Variants in PPFIA2 observed in about 807,000 individuals in gnomAD.
PPFIA2 encodes PPFI scaffold protein A2.
A neutral mutation model predicts 175.5 loss-of-function variants in PPFIA2; 46 were observed. The ratio of observed to expected loss-of-function variants is 0.26; its 90% CI spans 0.21 to 0.34. PPFIA2 has a LOEUF of 0.34. PPFIA2 is among the 10% of genes least tolerant of loss of function. The pLI is 1.00. For missense variants in PPFIA2, 1,179 were observed against 1,506.1 expected, an observed-to-expected ratio of 0.78 and a Z score of 3.60; for synonymous variants, 568 against 511.4, an observed-to-expected ratio of 1.11 and a Z score of -1.49.
intron 3 of PPFIA2, among the ~76,000 whole-genome samples, chr12:81,708,317 T>G (rs1567951950): frequency 6.6e-6 from 1 of 152,062 alleles, no homozygotes; most frequent in African/African-American, 2.4e-5. Flanking sequence ...TAAAACCAAA[T>G]TGAAAATGGC....
chr12:81,474,405 C>A (rs982650001), intron 4 of PPFIA2, among the ~76,000 whole-genome samples: 2 of 152,018 alleles, frequency 1.3e-5, no homozygotes, highest in Non-Finnish European at 2.9e-5. Context: ...GATCCACTGG[C>A]CTCAGCCTCC....
chr12:81,636,999 C>T (rs1231569594), intron 4 of PPFIA2, among the ~76,000 whole-genome samples: 1 of 151,982 alleles, frequency 6.6e-6, no homozygotes, highest in Non-Finnish European at 1.5e-5. Flanking sequence ...GGAATTTTCT[C>T]CCTCTAACCA....
intron 5 of PPFIA2, among the ~76,000 whole-genome samples, chr12:81,448,850 T>A (rs1372589272): frequency 6.6e-6 from 1 of 152,204 alleles, no homozygotes; most frequent in Non-Finnish European, 1.5e-5. Context: ...CAACATTGGA[T>A]ATCTCCTTCC....
At chr12:81,583,319 A>C (rs1287926028) in intron 4 of PPFIA2, among the ~76,000 whole-genome samples, 1 of 151,882 alleles carries the variant, frequency 6.6e-6, no homozygotes, top group Non-Finnish European at 1.5e-5. Flanking sequence ...CTTTCTATCA[A>C]GTTTTATTAC....
At chr12:81,406,272 CTG>C (rs772715523) in intron 7 of PPFIA2, among the ~76,000 whole-genome samples, 3 of 151,516 alleles carry the variant, frequency 2.0e-5, no homozygotes, top group Non-Finnish European at 4.4e-5. Context: ...TTTTTTTGGT[CTG>C]TATTTTTAAA....
At chr12:81,391,700 G>C (rs1191048788) in intron 8 of PPFIA2, among the ~76,000 whole-genome samples, 1 of 151,904 alleles carries the variant, frequency 6.6e-6, no homozygotes, top group Admixed American at 6.6e-5. Context: ...AAAAACTTGA[G>C]TGTAATGATG....
chr12:81,405,370 C>G (rs2042747409), intron 8 of PPFIA2, among the ~76,000 whole-genome samples: 1 of 152,000 alleles, frequency 6.6e-6, no homozygotes, highest in African/African-American at 2.4e-5. Flanking sequence ...TATATTATAT[C>G]ACTTACAATT....
chr12:81,626,672 C>T (rs2062745821), intron 4 of PPFIA2, among the ~76,000 whole-genome samples: 1 of 152,006 alleles, frequency 6.6e-6, no homozygotes, highest in African/African-American at 2.4e-5. Flanking sequence ...TAAAGGACAC[C>T]TGCTTCCAGA....
At chr12:81,668,488 A>C (rs1490152643) in intron 4 of PPFIA2, among the ~76,000 whole-genome samples, 2 of 152,072 alleles carry the variant, frequency 1.3e-5, no homozygotes, top group Non-Finnish European at 2.9e-5. Flanking sequence ...CCTTACATCT[A>C]ACCCATGGAA....
At chr12:81,318,341 T>C (rs984849372) in intron 22 of PPFIA2, among the ~76,000 whole-genome samples, 8 of 151,734 alleles carry the variant, frequency 5.3e-5, no homozygotes, top group African/African-American at 1.9e-4. Flanking sequence ...ATTACGGATA[T>C]TGAAAAACAT....
At chr12:81,635,286 A>T (rs1028734381) in intron 4 of PPFIA2, among the ~76,000 whole-genome samples, 8 of 152,170 alleles carry the variant, frequency 5.3e-5, no homozygotes, top group African/African-American at 1.9e-4. Context: ...TGTTGCTTTG[A>T]CTTCAAAAAT....
chr12:81,676,574 A>C (rs2072547191), intron 4 of PPFIA2: 1 of 329,562 alleles, frequency 3.0e-6, no homozygotes, highest in Non-Finnish European at 5.5e-6. Context: ...AAAGCCAATA[A>C]ATTGAGATAA....
Position 81,737,942 on chromosome 12 carries a change from G to A in PPFIA2, c.249+16031C>T, listed in dbSNP as rs373733193. On this transcript the variant is annotated intron_variant, in intron 3 of 32. Transcript: ENST00000549396. ...GGGGGAAACAGAATGTGATGAGGCA[G>A]TATTTACTGAACAAAAGTAAATATT... 5.9e-5 allele frequency among the ~76,000 whole-genome samples: 9 copies of A among 151,936 alleles called. No individual in the cohort carries two copies. In the East Asian group the frequency reaches 1.6e-3, roughly 26 times the overall value.
At position 81,347,522 on chromosome 12, in the gene PPFIA2, C is replaced by T. The variant is rs966931377; in HGVS notation, c.2232+11G>A. ...ACAGGAGGCAAAGGTTCTCTGGACACATCACCATACCAGTGTCATGACTCC... is the reference window on the plus strand; with the variant it reads ...ACAGGAGGCAAAGGTTCTCTGGACATATCACCATACCAGTGTCATGACTCC... On this transcript the variant is annotated intron_variant, in intron 18 of 32. Transcript: ENST00000549396. 6.3e-7 allele frequency: 1 copy of T among 1,580,148 alleles called. No individual in the cohort carries two copies. The highest frequency in any genetic ancestry group is 8.7e-7 in the Non-Finnish European group (1 of 1,149,252).
At chr12:81,522,384 AAT>A (rs900954475) in intron 4 of PPFIA2, among the ~76,000 whole-genome samples, 3 of 152,222 alleles carry the variant, frequency 2.0e-5, no homozygotes, top group African/African-American at 4.8e-5. Context: ...TGATCAGAAA[AAT>A]ATGATATATT....
chr12:81,728,272 C>A (rs2080364156), intron 3 of PPFIA2, among the ~76,000 whole-genome samples: 1 of 151,464 alleles, frequency 6.6e-6, no homozygotes, highest in African/African-American at 2.4e-5. Flanking sequence ...TTGAGAGTAT[C>A]TTTTCTTATA....
intron 23 of PPFIA2, among the ~76,000 whole-genome samples, chr12:81,299,012 G>T (rs1023475101): frequency 6.6e-6 from 1 of 152,140 alleles, no homozygotes; most frequent in African/African-American, 2.4e-5. Flanking sequence ...GATGGGAATG[G>T]ATGTTCTCTT....
At chr12:81,597,813 A>G in intron 4 of PPFIA2, 2 of 845,084 alleles carry the variant, frequency 2.4e-6, no homozygotes, top group Non-Finnish European at 3.6e-6. Flanking sequence ...GATTAAACTG[A>G]CATGCACATT....
intron 21 of PPFIA2, among the ~76,000 whole-genome samples, chr12:81,338,047 T>C (rs2057402006): frequency 6.6e-6 from 1 of 152,136 alleles, no homozygotes; most frequent in Non-Finnish European, 1.5e-5. Flanking sequence ...CTTCCGATGC[T>C]TTCTGTGGGT....
Sources: gnomAD v4.1 joint callset for allele counts (sites outside exome capture counted in the v4.1 genomes callset) on GRCh38, gnomAD v4.1.1 for gene constraint, MANE v1.5 for transcripts, NCBI Gene and HGNC (gene_info 2026-07-23, HGNC 2026-07-21) for gene names.